The following TEX10 variants were observed in gnomAD, a reference collection of about 807,000 sequenced individuals.
TEX10 encodes testis expressed 10.
Under a neutral mutation model 104.4 loss-of-function variants are expected in TEX10, and 24 were observed. The ratio of observed to expected loss-of-function variants is 0.23; its 90% CI spans 0.17 to 0.32. The LOEUF is 0.32. TEX10 is among the 10% of genes least tolerant of loss of function. The pLI is 1.00. For synonymous variants in TEX10, 396 were observed against 393.4 expected, an observed-to-expected ratio of 1.01 and a Z score of -0.08; for missense variants, 921 against 1,083.9, an observed-to-expected ratio of 0.85 and a Z score of 2.11.
intron 2 of TEX10, among the ~76,000 whole-genome samples, chr9:100,348,133 C>A (rs572032844): frequency 7.9e-5 from 12 of 152,346 alleles, no homozygotes; most frequent in Non-Finnish European, 1.8e-4. Flanking sequence ...CCTGGAGGAA[C>A]CTCCAAAACA....
At position 100,346,841 on chromosome 9, in the gene TEX10, T is replaced by C. The variant is rs145670708; in HGVS notation, c.746A>G (p.Glu249Gly). The change falls in exon 3 of 15, where the codon GAA becomes GGA. Residue 249 changes from glutamate to glycine, a missense_variant. Glu to Gly is a moderately conservative substitution (Grantham distance 98). This residue lies in a region of TEX10 where 753 missense variants were observed against 868.4 expected (regional missense o/e 0.87). Transcript: ENST00000374902. ...ATTTTCTTTCTGTTCCTGAAGTCCT[T>C]CACTTTCTCTCAACCTACTGGATCC... ...ADGSSRLRES[E>G]GLQEQKENPH... 19 of 1,614,044 alleles carry C rather than the reference T, an allele frequency of 1.2e-5. No homozygotes were observed. Among genetic ancestry groups the C allele is most frequent in the Non-Finnish European group, 1.4e-5 (16 of 1,179,998 alleles).
chr9:100,311,767 T>G (rs957824068), intron 11 of TEX10, among the ~76,000 whole-genome samples: 1 of 152,140 alleles, frequency 6.6e-6, no homozygotes, highest in Non-Finnish European at 1.5e-5. Flanking sequence ...ACTAAGTCCT[T>G]CACAGATATC....
intron 5 of TEX10, among the ~76,000 whole-genome samples, chr9:100,338,790 G>C (rs1358884343): frequency 6.6e-6 from 1 of 151,998 alleles, no homozygotes; most frequent in Admixed American, 6.6e-5. Flanking sequence ...TACTCAGGAG[G>C]CTGAAGCAGG....
At chr9:100,333,976 C>T (rs1286101991) in intron 5 of TEX10, among the ~76,000 whole-genome samples, 1 of 151,758 alleles carries the variant, frequency 6.6e-6, no homozygotes, top group African/African-American at 2.4e-5. Context: ...CTGAATACAA[C>T]TAAAGAATTA....
intron 9 of TEX10, 23 bp from the exon 10 acceptor site, chr9:100,321,794 T>G (rs766790893): frequency 3.0e-5 from 48 of 1,585,990 alleles, no homozygotes; most frequent in Non-Finnish European, 4.0e-5. Context: ...AAGGGAGAAC[T>G]ATTACCAGAA....
chr9:100,345,000 C>CT (rs879546398), intron 4 of TEX10, among the ~76,000 whole-genome samples: 1 of 152,094 alleles, frequency 6.6e-6, no homozygotes, highest in Non-Finnish European at 1.5e-5. Flanking sequence ...GTACTATATA[C>CT]TTTTTTTAAA....
chr9:100,320,731 A>G (rs1333674086), intron 10 of TEX10, among the ~76,000 whole-genome samples: 1 of 152,238 alleles, frequency 6.6e-6, no homozygotes, highest in East Asian at 1.9e-4. Context: ...AAAGCAAATG[A>G]GCAAGTAAAA....
chr9:100,339,245 CAAAAAAAAAAAAA>C (rs1182764934), intron 5 of TEX10, among the ~76,000 whole-genome samples: 32 of 29,398 alleles, frequency 1.1e-3, no homozygotes, highest in African/African-American at 3.7e-3. Flanking sequence ...GACTCCATCT[CAAAAAAAAAAAAA>C]AAAAAAAAAA....
rs201748865 is a variant in TEX10 at position 100,326,319 on chromosome 9, G to C, written c.1962C>G (p.Ile654Met). The C allele has an allele frequency of 6.2e-7, 1 of 1,613,832 alleles. No individual in the cohort carries two copies. Among genetic ancestry groups the C allele is most frequent in the Non-Finnish European group, 8.5e-7 (1 of 1,179,896 alleles). The change falls in exon 9 of 15, where the codon ATC (isoleucine) becomes ATG (methionine). Residue 654 changes from isoleucine to methionine, a missense_variant. Transcript: ENST00000374902. Reference sequence around the variant, plus strand: ...CATGCTACCTCATGTGCAGTATCCCGATAAGCATGGCAGCCAAACTTGAAC... The same window carrying C: ...CATGCTACCTCATGTGCAGTATCCCCATAAGCATGGCAGCCAAACTTGAAC... The part of the protein sequence containing the change: ...RLSSSLAAML[I>M]GILHMRSSFS...
chr9:100,350,199 T>C (rs992980729), intron 1 of TEX10, among the ~76,000 whole-genome samples: 1 of 152,214 alleles, frequency 6.6e-6, no homozygotes, highest in African/African-American at 2.4e-5. Flanking sequence ...AAATCTTTGA[T>C]CTGTGTCTCT....
At chr9:100,304,011 A>G (rs1051575247) in intron 13 of TEX10, 169 bp from the exon 14 acceptor site, 1 of 635,486 alleles carries the variant, frequency 1.6e-6, no homozygotes, top group Admixed American at 2.6e-5. Context: ...CCACACACAC[A>G]CACTAAATAC....
intron 12 of TEX10, among the ~76,000 whole-genome samples, chr9:100,309,631 A>C (rs1002056005): frequency 6.6e-6 from 1 of 152,230 alleles, no homozygotes. Context: ...CAAGGGAAGT[A>C]ACATTTTAAG....
At chr9:100,336,678 GAAT>G (rs1353997515) in intron 5 of TEX10, among the ~76,000 whole-genome samples, 1 of 152,090 alleles carries the variant, frequency 6.6e-6, no homozygotes, top group Admixed American at 6.5e-5. Context: ...TAATGCACTT[GAAT>G]CATCCCAAAA....
At chr9:100,323,346 A>T (rs1834621164) in intron 9 of TEX10, among the ~76,000 whole-genome samples, 1 of 152,198 alleles carries the variant, frequency 6.6e-6, no homozygotes. Flanking sequence ...TGTTCCTGGC[A>T]GACCAGGTCA....
Position 100,347,138 on chromosome 9 carries a change from G to A in TEX10, c.449C>T (p.Thr150Ile). 6 of 1,614,174 alleles carry A rather than the reference G, an allele frequency of 3.7e-6. No individual in the cohort carries two copies. The highest frequency in any genetic ancestry group is 5.1e-6 in the Non-Finnish European group (6 of 1,180,020). ...LVSAHLSSAMTHITEGIQEDS... is the reference protein window; with the variant it reads ...LVSAHLSSAMIHITEGIQEDS... ...CTCCTGAATTCCTTCAGTAATGTGA[G>A]TCATGGCACTAGAGAGATGGGCACT... is the stretch of plus-strand genomic sequence containing the variant. Residue 150 changes from threonine to isoleucine, a missense_variant, in exon 3 of 15, where the codon ACT becomes ATT. Coordinates refer to ENST00000374902, the MANE Select transcript of TEX10 (RefSeq NM_017746.4).
At chr9:100,314,998 C>T (rs755449152) in intron 11 of TEX10, among the ~76,000 whole-genome samples, 2 of 152,264 alleles carry the variant, frequency 1.3e-5, no homozygotes, top group East Asian at 1.9e-4. Context: ...AGCACGTCAT[C>T]GTTCAGGTGT....
At chr9:100,350,504 C>G (rs1187981674) in intron 1 of TEX10, among the ~76,000 whole-genome samples, 1 of 152,158 alleles carries the variant, frequency 6.6e-6, no homozygotes, top group African/African-American at 2.4e-5. Context: ...AAAACAATAG[C>G]CTCTTCTACC....
Position 100,303,716 on chromosome 9 carries a change from A to G in TEX10, c.2592T>C (p.Leu864=). 1 of 1,614,090 alleles carries G rather than the reference A, an allele frequency of 6.2e-7. No homozygotes were observed. Among genetic ancestry groups the G allele is most frequent in the Non-Finnish European group, 8.5e-7 (1 of 1,180,032 alleles). Residue 864 remains leucine, a synonymous_variant, in exon 14 of 15, where the codon CTT becomes CTC. Coordinates refer to ENST00000374902, the MANE Select transcript of TEX10 (RefSeq NM_017746.4). ...GGGGTGCATGCTGAAGCAGCAGTCGAAGCAGCTGGCCCACAACAGGCAGCT... is the reference window on the plus strand; with the variant it reads ...GGGGTGCATGCTGAAGCAGCAGTCGGAGCAGCTGGCCCACAACAGGCAGCT... ...PEELPVVGQL[L]RLLLQHAPLR... is the part of the protein sequence containing the mutation.
Position 100,325,575 on chromosome 9 carries a change from G to C in TEX10, c.1979+727C>G, listed in dbSNP as rs1046151037. 5.9e-5 allele frequency among the ~76,000 whole-genome samples: 9 copies of C among 152,250 alleles called. No homozygotes were observed. The South Asian group carries it at 1.2e-3, about 21-fold the overall frequency. The stretch of plus-strand genomic sequence containing the variant: ...AGACAGAGTCTCACTCTGTCGCCCA[G>C]ATTGGAGTGCAGTGGTGCCATCTTG... On this transcript the variant is annotated intron_variant, in intron 9 of 14. Coordinates refer to ENST00000374902, the MANE Select transcript of TEX10 (RefSeq NM_017746.4).
Sources: allele counts gnomAD v4.1 joint callset (sites outside exome capture counted in the v4.1 genomes callset), GRCh38; gene constraint gnomAD v4.1.1; regional missense constraint gnomAD v4.1.1; transcripts MANE v1.5; gene names NCBI Gene and HGNC (gene_info 2026-07-23, HGNC 2026-07-21).